Variants in CNTNAP4 observed in about 807,000 individuals in gnomAD.
CNTNAP4 encodes the protein contactin associated protein family member 4.
Under a neutral mutation model 148.4 loss-of-function variants are expected in CNTNAP4, and 98 were observed. The ratio of observed to expected loss-of-function variants is 0.66; its 90% CI spans 0.56 to 0.78. The LOEUF (loss-of-function observed/expected upper bound fraction) is 0.78. CNTNAP4 is among the 30% of genes least tolerant of loss of function. CNTNAP4 has a pLI of 0.00. For synonymous variants in CNTNAP4, 730 were observed against 565.1 expected (o/e 1.29, Z -4.14); for missense variants, 1,935 against 1,565.6 (o/e 1.24, Z -3.98).
At position 76,558,490 on chromosome 16, in the gene CNTNAP4, G is replaced by A. The variant is rs1227449682; in HGVS notation, c.3734G>A (p.Gly1245Asp). 6.4e-7 allele frequency: 1 copy of A among 1,574,588 alleles called. No individual in the cohort carries two copies. The highest frequency in any genetic ancestry group is 8.7e-7 in the Non-Finnish European group (1 of 1,146,178). Reference protein sequence around the residue: ...AIKSDSAVIGGLIAVVIFILL... With the variant: ...AIKSDSAVIGDLIAVVIFILL... ...CTTTATATTTCTTTTCTCTCTCTAG[G>A]TCTGATAGCTGTTGTGATTTTTATC... The change falls in exon 24 of 24, where the codon GGT (glycine) becomes GAT (aspartate). Residue 1245 changes from glycine (G) to aspartate (D), a missense_variant and splice_region_variant. Physicochemically the swap from Gly to Asp is moderately conservative, Grantham distance 94 (BLOSUM62 -1). Coordinates refer to ENST00000611870, the MANE Select transcript of CNTNAP4 (RefSeq NM_033401.5).
chr16:76,338,996 C>T (rs1435271023), intron 2 of CNTNAP4, among the ~76,000 whole-genome samples: 4 of 152,050 alleles, frequency 2.6e-5, no homozygotes, highest in Non-Finnish European at 5.9e-5. Context: ...TTTGGTTTGG[C>T]TTCTAGGATG....
chr16:76,293,192 T>A (rs2143849327), intron 1 of CNTNAP4, among the ~76,000 whole-genome samples: 1 of 152,068 alleles, frequency 6.6e-6, no homozygotes, highest in Admixed American at 6.6e-5. Flanking sequence ...TGGTGCAATC[T>A]CGGCTAACTG....
chr16:76,443,799 T>G (rs902555320), intron 4 of CNTNAP4, among the ~76,000 whole-genome samples: 2 of 152,184 alleles, frequency 1.3e-5, no homozygotes, highest in African/African-American at 4.8e-5. Context: ...CCCTGAAATT[T>G]TTTATTTTTG....
chr16:76,374,562 T>G (rs1225442522), intron 3 of CNTNAP4, among the ~76,000 whole-genome samples: 1 of 152,006 alleles, frequency 6.6e-6, no homozygotes, highest in Non-Finnish European at 1.5e-5. Context: ...GGATTGGAAA[T>G]AAATTGGTCT....
chr16:76,416,579 T>C (rs1258714090), intron 3 of CNTNAP4, among the ~76,000 whole-genome samples: 1 of 151,468 alleles, frequency 6.6e-6, no homozygotes. Context: ...ATTTATAGTT[T>C]AATTCCTTTA....
chr16:76,359,970 C>G (rs1194218580), intron 3 of CNTNAP4, among the ~76,000 whole-genome samples: 2 of 152,056 alleles, frequency 1.3e-5, no homozygotes, highest in Non-Finnish European at 2.9e-5. Flanking sequence ...TGGTAAATGC[C>G]TAAGATTCTT....
Position 76,335,797 on chromosome 16 carries a change from G to A in CNTNAP4, c.196+19274G>A, listed in dbSNP as rs192928705. 5.3e-5 allele frequency among the ~76,000 whole-genome samples: 8 copies of A among 152,306 alleles called. No homozygotes were observed. In the East Asian group the frequency reaches 1.5e-3, roughly 29 times the overall value. ...TGAGGAGAACTAAAAGCTGCTGGGG[G>A]TGCCGAGAAGCACAGGAGGTAGAGG... On this transcript the variant is annotated intron_variant, in intron 2 of 23. Transcript: ENST00000611870.
chr16:76,338,843 T>C (rs1964234814), intron 2 of CNTNAP4, among the ~76,000 whole-genome samples: 1 of 152,164 alleles, frequency 6.6e-6, no homozygotes, highest in Non-Finnish European at 1.5e-5. Context: ...TGTGTAAGAT[T>C]ATTGTGAAAA....
rs2143994971 is a variant in CNTNAP4, at chr16:76,307,469, A to G, written c.86-8944A>G. Among the ~76,000 whole-genome samples, 2 of 143,232 alleles carry G rather than the reference A, an allele frequency of 1.4e-5. 1 individual carries two copies. Among genetic ancestry groups the G allele is most frequent in the East Asian group, 4.2e-4 (2 of 4,722 alleles). The allele number at this position is 143,232 out of a possible 152,430, so 94.0% of individuals were successfully genotyped here. A position where few individuals can be genotyped will look rare whatever the true frequency, so the allele number is the denominator to read the frequency against. ...ATATATTTTTTAAAATTAACTTTTG[A>G]TCCTCTAATTCTCCTAGATATCTAT... On this transcript the variant is annotated intron_variant, in intron 1 of 23. Transcript: ENST00000611870.
chr16:76,323,928 T>G (rs1302910427), intron 2 of CNTNAP4, among the ~76,000 whole-genome samples: 1 of 152,220 alleles, frequency 6.6e-6, no homozygotes, highest in Non-Finnish European at 1.5e-5. Context: ...ACCTCTCTTT[T>G]TTTACCCCCT....
intron 9 of CNTNAP4, among the ~76,000 whole-genome samples, chr16:76,463,994 C>G (rs2081082257): frequency 6.6e-6 from 1 of 152,144 alleles, no homozygotes; most frequent in Non-Finnish European, 1.5e-5. Context: ...TCAGAATATG[C>G]TTGACCTTGG....
chr16:76,285,369 A>T (rs1958838146), intron 1 of CNTNAP4, among the ~76,000 whole-genome samples: 1 of 152,058 alleles, frequency 6.6e-6, no homozygotes. Flanking sequence ...TAACTATAAA[A>T]TTTTTTAATG....
chr16:76,467,765 A>C (rs1174605347), intron 10 of CNTNAP4, among the ~76,000 whole-genome samples: 1 of 152,220 alleles, frequency 6.6e-6, no homozygotes, highest in Non-Finnish European at 1.5e-5. Flanking sequence ...ACATGCTACC[A>C]GTTCGCCAAA....
intron 2 of CNTNAP4, among the ~76,000 whole-genome samples, chr16:76,340,584 A>G (rs1057258995): frequency 1.3e-5 from 2 of 152,032 alleles, no homozygotes; most frequent in African/African-American, 2.4e-5. Flanking sequence ...AGTCCTGCCA[A>G]TTCTACCTCA....
rs79128374 is a variant in CNTNAP4 at position 76,291,326 on chromosome 16, C to A, written c.85+13579C>A. On this transcript the variant is annotated intron_variant, in intron 1 of 23. Transcript: ENST00000611870. ...TCCTGGTTCAGTGCATTGCCGAGAT[C>A]AATGGCATGGCATTCTCATCCATCA... Among the ~76,000 whole-genome samples the A allele has an allele frequency of 9.8e-3, 1,495 of 152,234 alleles. 54 individuals carry two copies. The highest frequency in any genetic ancestry group is 0.09 in the East Asian group (463 of 5,162).
At chr16:76,351,546 A>G (rs1006587433) in intron 2 of CNTNAP4, among the ~76,000 whole-genome samples, 13 of 152,294 alleles carry the variant, frequency 8.5e-5, no homozygotes, top group Non-Finnish European at 1.5e-4. Context: ...CCCGGTAGAG[A>G]TATTTGGATT....
intron 18 of CNTNAP4, 43 bp downstream of exon 18, chr16:76,535,827 T>A (rs184510580): frequency 6.4e-7 from 1 of 1,571,170 alleles, no homozygotes; most frequent in East Asian, 2.3e-5. Flanking sequence ...ATTTATTCAA[T>A]GTGGATTAAA....
At chr16:76,460,898 C>T (rs1039960727) in intron 8 of CNTNAP4, among the ~76,000 whole-genome samples, 8 of 149,872 alleles carry the variant, frequency 5.3e-5, no homozygotes, top group African/African-American at 1.5e-4. Flanking sequence ...TGAACCTTTG[C>T]TCCTGGGGGA....
At chr16:76,430,478 A>G (rs1262666965) in intron 4 of CNTNAP4, among the ~76,000 whole-genome samples, 1 of 152,138 alleles carries the variant, frequency 6.6e-6, no homozygotes, top group Non-Finnish European at 1.5e-5. Flanking sequence ...CAGACCCAAG[A>G]TCAGATTGGA....
Sources: allele counts gnomAD v4.1 joint callset (sites outside exome capture counted in the v4.1 genomes callset), GRCh38; gene constraint gnomAD v4.1.1; transcripts MANE v1.5; gene names NCBI Gene and HGNC (gene_info 2026-07-23, HGNC 2026-07-21).